The following DLGAP5 variants were observed in gnomAD, a reference collection of about 807,000 sequenced individuals.
DLGAP5 encodes the protein disks large-associated protein 5.
A neutral mutation model predicts 99.6 loss-of-function variants in DLGAP5; 90 were observed. The ratio of observed to expected loss-of-function variants is 0.90; its 90% CI spans 0.76 to 1.08. The LOEUF (loss-of-function observed/expected upper bound fraction) is 1.08, where lower values mean the gene tolerates loss of function less well. DLGAP5 is among the 50% of genes least tolerant of loss of function. DLGAP5 has a pLI of 0.00. For synonymous variants in DLGAP5, 311 were observed against 321.3 expected, an observed-to-expected ratio of 0.97 and a Z score of 0.34; for missense variants, 1,036 against 983.5, an observed-to-expected ratio of 1.05 and a Z score of -0.71.
Position 55,175,436 on chromosome 14 carries a change from T to C in DLGAP5, c.1211A>G (p.Asn404Ser). ...TTCTTTTATTGGAAGGCCATTTAAA[T>C]TTTTAGTAGTAGCTTCATTTTTATT... Reference protein sequence around the residue: ...VLNKNEATTKNLNGLPIKEVP... With the variant: ...VLNKNEATTKSLNGLPIKEVP... The change falls in exon 10 of 19, where the codon AAT (asparagine) becomes AGT (serine). Residue 404 changes from asparagine to serine, a missense_variant. Transcript: ENST00000247191. 1 of 1,444,298 alleles carries C rather than the reference T, an allele frequency of 6.9e-7. No individual in the cohort carries two copies. The highest frequency in any genetic ancestry group is 2.3e-5 in the East Asian group (1 of 43,434). The allele number at this position is 1,444,298 out of a possible 1,614,324, so 89.5% of individuals were successfully genotyped here. A position where few individuals can be genotyped will look rare whatever the true frequency, so the allele number is the denominator to read the frequency against.
intron 10 of DLGAP5, among the ~76,000 whole-genome samples, chr14:55,173,322 A>G (rs1369832768): frequency 2.0e-5 from 3 of 151,092 alleles, no homozygotes; most frequent in South Asian, 4.2e-4. Flanking sequence ...AAAATTAGCC[A>G]CCCACTGGCA....
chr14:55,176,158 G>T, intron 8 of DLGAP5, 140 bp from the exon 9 acceptor site: 1 of 662,850 alleles, frequency 1.5e-6, no homozygotes, highest in Non-Finnish European at 2.3e-6. Flanking sequence ...TTCTGGAGGG[G>T]AGAAAATGTA....
In DLGAP5 at chr14:55,154,709, T is replaced by C. The variant is rs1882144421; in HGVS notation, c.1971A>G (p.Pro657=). Residue 657 remains proline, a synonymous_variant, in exon 15 of 19, where the codon CCA becomes CCG. Transcript: ENST00000247191. ...VSQSRNEMGI[P]QQTTSPENAG... Reference sequence around the variant, plus strand: ...CATTTTCTGGTGATGTAGTTTGTTGTGGAATGCCCATCTCATTTCTACTCT... The same window carrying C: ...CATTTTCTGGTGATGTAGTTTGTTGCGGAATGCCCATCTCATTTCTACTCT... 1 of 1,614,154 alleles carries C rather than the reference T, an allele frequency of 6.2e-7. No homozygotes were observed.
chr14:55,169,302 A>T, intron 12 of DLGAP5, 97 bp downstream of exon 12: 1 of 750,176 alleles, frequency 1.3e-6, no homozygotes, highest in Non-Finnish European at 2.0e-6. Flanking sequence ...TATTACAGGT[A>T]CATAAGCAGC....
chr14:55,158,816 A>G, intron 13 of DLGAP5, 75 bp from the exon 14 acceptor site: 1 of 1,025,416 alleles, frequency 9.8e-7, no homozygotes, highest in Non-Finnish European at 1.5e-6. Context: ...ACACAAATTC[A>G]TCACTTAAAA....
At chr14:55,187,563 C>T (rs989523621) in intron 2 of DLGAP5, among the ~76,000 whole-genome samples, 2 of 151,988 alleles carry the variant, frequency 1.3e-5, no homozygotes, top group Non-Finnish European at 2.9e-5. Context: ...GCCATCCACC[C>T]GCCTTGGCCT....
intron 10 of DLGAP5, among the ~76,000 whole-genome samples, chr14:55,174,014 T>G (rs897665705): frequency 5.9e-5 from 9 of 152,208 alleles, no homozygotes; most frequent in African/African-American, 2.2e-4. Flanking sequence ...ATAAGAGAGA[T>G]AACCTTAAAC....
At chr14:55,169,186 A>G (rs952839959) in intron 12 of DLGAP5, among the ~76,000 whole-genome samples, 1 of 151,680 alleles carries the variant, frequency 6.6e-6, no homozygotes, top group Non-Finnish European at 1.5e-5. Context: ...AAAAAAAAAA[A>G]AAAAAAAAAA....
At chr14:55,177,782 C>T (rs1391835498) in intron 7 of DLGAP5, among the ~76,000 whole-genome samples, 1 of 151,586 alleles carries the variant, frequency 6.6e-6, no homozygotes, top group Non-Finnish European at 1.5e-5. Context: ...CGTCATCCGC[C>T]CGCCTAGGCC....
chr14:55,162,203 A>G (rs1777510197), intron 13 of DLGAP5, among the ~76,000 whole-genome samples: 1 of 152,236 alleles, frequency 6.6e-6, no homozygotes, highest in Admixed American at 6.5e-5. Context: ...TCCATTTCAT[A>G]CGACTGTTGT....
At chr14:55,180,895 T>G (rs1444579938) in intron 5 of DLGAP5, 117 bp from the exon 6 acceptor site, 1 of 1,328,116 alleles carries the variant, frequency 7.5e-7, no homozygotes, top group Non-Finnish European at 1.0e-6. Context: ...GGCAGGAGGA[T>G]TACTTCAGCC....
intron 7 of DLGAP5, among the ~76,000 whole-genome samples, chr14:55,177,659 T>C (rs1203484201): frequency 6.6e-6 from 1 of 151,494 alleles, no homozygotes; most frequent in African/African-American, 2.4e-5. Context: ...TGCCTCAGCC[T>C]CCCAAGTAGC....
intron 13 of DLGAP5, among the ~76,000 whole-genome samples, chr14:55,160,829 G>A (rs553749750): frequency 2.0e-5 from 3 of 152,230 alleles, no homozygotes; most frequent in Admixed American, 6.5e-5. Flanking sequence ...AAAGTTATAG[G>A]GGGGTAAAAC....
chr14:55,154,430 A>T (rs1882130086), intron 15 of DLGAP5, among the ~76,000 whole-genome samples, 187 bp downstream of exon 15: 1 of 152,210 alleles, frequency 6.6e-6, no homozygotes, highest in African/African-American at 2.4e-5. Context: ...AAACGTGACC[A>T]TTTAGTATCC....
rs1490579891 is a variant in DLGAP5 at position 55,189,190 on chromosome 14, A to T, written c.-1-10T>A. 4 of 1,601,014 alleles carry T rather than the reference A, an allele frequency of 2.5e-6. No homozygotes were observed. The highest frequency in any genetic ancestry group is 2.6e-6 in the Non-Finnish European group (3 of 1,170,228). On this transcript the variant is annotated splice_polypyrimidine_tract_variant and intron_variant, in intron 1 of 18. Transcript: ENST00000247191. ...ATGTGATGAAGACATCCTGTCAAGG[A>T]AAAGGACAAAACCCAACTTACATGA...
chr14:55,165,369 A>G (rs1356209525), intron 12 of DLGAP5, among the ~76,000 whole-genome samples: 5 of 152,094 alleles, frequency 3.3e-5, no homozygotes, highest in Non-Finnish European at 2.9e-5. Flanking sequence ...AAAAAAATAT[A>G]AAAATTAGCC....
At chr14:55,152,016 T>C (rs1882036896) in intron 16 of DLGAP5, 75 bp from the exon 17 acceptor site, 13 of 1,433,136 alleles carry the variant, frequency 9.1e-6, no homozygotes, top group Non-Finnish European at 1.2e-5. Flanking sequence ...CTTGTTGCTA[T>C]TAAATACAAG....
In DLGAP5 at chr14:55,177,315, T is replaced by C. The variant is rs757174911; in HGVS notation, c.796A>G (p.Ser266Gly). 15 of 1,602,812 alleles carry C rather than the reference T, an allele frequency of 9.4e-6. No individual in the cohort carries two copies. Residue 266 changes from serine (S) to glycine (G), a missense_variant, in exon 8 of 19, where the codon AGT becomes GGT. Ser to Gly is a moderately conservative substitution (Grantham distance 56). Coordinates refer to ENST00000247191, the MANE Select transcript of DLGAP5 (RefSeq NM_014750.5). Reference sequence around the variant, plus strand: ...TGTGAATTCAAAGTATTTTCTTCACTATCGACTTTACAAGAAATACCCTAG... The same window carrying C: ...TGTGAATTCAAAGTATTTTCTTCACCATCGACTTTACAAGAAATACCCTAG... ...PDKGISCKVDSEENTLNSQTN... is the reference protein window; with the variant it reads ...PDKGISCKVDGEENTLNSQTN...
chr14:55,174,178 G>C (rs1334056623), intron 10 of DLGAP5, among the ~76,000 whole-genome samples: 1 of 152,170 alleles, frequency 6.6e-6, no homozygotes, highest in Non-Finnish European at 1.5e-5. Context: ...GGCCCCCTGG[G>C]CGTGGCCGTC....
Sources: allele counts gnomAD v4.1 joint callset (sites outside exome capture counted in the v4.1 genomes callset), GRCh38; gene constraint gnomAD v4.1.1; transcripts MANE v1.5; gene names NCBI Gene and HGNC (gene_info 2026-07-23, HGNC 2026-07-21).